RPS6KA5: variants seen among roughly 807,000 people sequenced by gnomAD.
RPS6KA5 encodes the protein ribosomal protein S6 kinase alpha-5.
In RPS6KA5, 27 loss-of-function variants were observed where a neutral mutation model predicts 85.5. That is an observed-to-expected ratio of 0.32 (90% CI 0.23 to 0.44). The LOEUF is 0.44. RPS6KA5 is among the 20% of genes least tolerant of loss of function. The pLI is 1.00. For missense variants in RPS6KA5, 811 were observed against 980.9 expected (o/e 0.83, Z 2.31); for synonymous variants, 334 against 348.2 (o/e 0.96, Z 0.46).
chr14:90,926,010 A>G (rs557935968), intron 5 of RPS6KA5, among the ~76,000 whole-genome samples: 3 of 152,154 alleles, frequency 2.0e-5, no homozygotes, highest in Admixed American at 2.0e-4. Flanking sequence ...CAAATAAAGA[A>G]ACGAGGCAAT....
At chr14:91,021,484 T>TA (rs1232492325) in intron 1 of RPS6KA5, among the ~76,000 whole-genome samples, 2 of 152,080 alleles carry the variant, frequency 1.3e-5, no homozygotes, top group African/African-American at 4.8e-5. Flanking sequence ...TATTTCAATT[T>TA]AAAAAAATAA....
At chr14:91,022,355 T>C (rs1291025650) in intron 1 of RPS6KA5, among the ~76,000 whole-genome samples, 2 of 152,190 alleles carry the variant, frequency 1.3e-5, no homozygotes, top group Admixed American at 6.5e-5. Flanking sequence ...TCCAATGGAA[T>C]GTGAAGTATA....
At chr14:91,014,774 CACT>C (rs1212947376) in intron 1 of RPS6KA5, among the ~76,000 whole-genome samples, 1 of 151,926 alleles carries the variant, frequency 6.6e-6, no homozygotes, top group African/African-American at 2.4e-5. Context: ...TGTATTAATG[CACT>C]ATTGTTAAAT....
At position 90,902,946 on chromosome 14, in the gene RPS6KA5, G is replaced by A. The variant is rs774082309; in HGVS notation, c.981C>T (p.Ala327=). 1.2e-5 allele frequency: 19 copies of A among 1,610,996 alleles called. No homozygotes were observed. Among genetic ancestry groups the A allele is most frequent in the East Asian group, 4.5e-5 (2 of 44,806 alleles). ...FFQKINWDDL[A]AKKVPAPFKP... Reference sequence around the variant, plus strand: ...TAAATGGTGCAGGCACTTTTTTGGCGGCTAAATCATCCCAATTTATTTTCT... The same window carrying A: ...TAAATGGTGCAGGCACTTTTTTGGCAGCTAAATCATCCCAATTTATTTTCT... The change falls in exon 9 of 17, where the codon GCC becomes GCT. Residue 327 remains alanine (A), a synonymous_variant. Coordinates refer to ENST00000614987, the MANE Select transcript of RPS6KA5 (RefSeq NM_004755.4).
At chr14:91,045,667 TA>T (rs1017375742) in intron 1 of RPS6KA5, among the ~76,000 whole-genome samples, 1 of 152,238 alleles carries the variant, frequency 6.6e-6, no homozygotes, top group Non-Finnish European at 1.5e-5. Flanking sequence ...ATTTCCACAG[TA>T]GTTTCCTACC....
Position 90,872,327 on chromosome 14 carries a change from C to T in RPS6KA5, c.2161-5G>A, listed in dbSNP as rs746544678. 30 of 1,589,094 alleles carry T rather than the reference C, an allele frequency of 1.9e-5. No homozygotes were observed. The highest frequency in any genetic ancestry group is 5.6e-5 in the Admixed American group (3 of 53,440). ...TCTCTTGTATTTGTTAAAGGCCTGG[C>T]GGGGGAAAAAAAGGGAACCCCTGTG... On this transcript the variant is annotated splice_region_variant and splice_polypyrimidine_tract_variant and intron_variant, in intron 16 of 16. Coordinates refer to ENST00000614987, the MANE Select transcript of RPS6KA5 (RefSeq NM_004755.4).
intron 1 of RPS6KA5, among the ~76,000 whole-genome samples, chr14:91,029,633 A>G (rs2042109908): frequency 6.6e-6 from 1 of 152,210 alleles, no homozygotes; most frequent in Admixed American, 6.5e-5. Flanking sequence ...CATCTGTAAA[A>G]TAAGACTGCT....
At chr14:91,015,698 T>C (rs1235883053) in intron 1 of RPS6KA5, among the ~76,000 whole-genome samples, 1 of 152,264 alleles carries the variant, frequency 6.6e-6, no homozygotes, top group Non-Finnish European at 1.5e-5. Flanking sequence ...AGTGCCAATT[T>C]GGTTTCTATT....
chr14:90,983,835 CTCTCTTTCTTTTTT>C (rs1347383425), intron 2 of RPS6KA5, among the ~76,000 whole-genome samples: 1 of 139,404 alleles, frequency 7.2e-6, no homozygotes, highest in African/African-American at 3.0e-5. Context: ...CTCTCTCTCT[CTCTCTTTCTTTTTT>C]TCTTTCTTTC....
chr14:90,978,554 T>C (rs745396777), intron 2 of RPS6KA5, 30 bp from the exon 3 acceptor site: 1 of 1,513,394 alleles, frequency 6.6e-7, no homozygotes, highest in African/African-American at 1.4e-5. Flanking sequence ...ATAAAAAGAA[T>C]TAAAATGCTA....
At chr14:90,888,241 CA>C (rs768135221) in intron 14 of RPS6KA5, among the ~76,000 whole-genome samples, 12 of 152,214 alleles carry the variant, frequency 7.9e-5, no homozygotes, top group Non-Finnish European at 1.5e-4. Context: ...TGTCATTACA[CA>C]AAGTTATTTC....
chr14:90,964,263 G>T (rs2038949705), intron 3 of RPS6KA5, among the ~76,000 whole-genome samples: 2 of 152,038 alleles, frequency 1.3e-5, no homozygotes, highest in African/African-American at 4.8e-5. Context: ...ATGTAGCCTT[G>T]GGCGCCTTTT....
intron 1 of RPS6KA5, among the ~76,000 whole-genome samples, chr14:91,035,952 G>C (rs2042390495): frequency 2.2e-5 from 1 of 44,652 alleles, no homozygotes; most frequent in Admixed American, 1.9e-4. Flanking sequence ...AGCACTTAGG[G>C]TATGAAAAAA....
chr14:91,052,465 T>TAA (rs71120103), intron 1 of RPS6KA5: 173 of 132,616 alleles, frequency 1.3e-3, no homozygotes, highest in South Asian at 4.1e-3. Flanking sequence ...ACTCGTCTCT[T>TAA]AAAAAAAAAA....
chr14:91,050,511 TTCCGCC>T (rs1177460620), intron 1 of RPS6KA5, among the ~76,000 whole-genome samples: 1 of 152,178 alleles, frequency 6.6e-6, no homozygotes, highest in African/African-American at 2.4e-5. Flanking sequence ...TCACTGCAAC[TTCCGCC>T]TCCCAGGTTC....
rs982152751 is a variant in RPS6KA5, at chr14:90,850,361, CA to C, written c.*21712del. 25 of 150,536 alleles carry C rather than the reference CA, an allele frequency of 1.7e-4. No homozygotes were observed. The highest frequency in any genetic ancestry group is 1.6e-3 in the Admixed American group (24 of 15,026). The allele number at this position is 150,536 out of a possible 1,614,324, so 9.3% of individuals were successfully genotyped here. A position where few individuals can be genotyped will look rare whatever the true frequency, so the allele number is the denominator to read the frequency against. Reference sequence around the variant, plus strand: ...CATCCTTTCCCTTCTTGCTCCCTCCCATAAATACTAAATGGAAGAAGACACA... The same window carrying C: ...CATCCTTTCCCTTCTTGCTCCCTCCCTAAATACTAAATGGAAGAAGACACA... On this transcript the variant is annotated 3_prime_UTR_variant, in exon 17 of 17. Transcript: ENST00000614987.
chr14:90,876,050 TAA>T (rs60142741), intron 14 of RPS6KA5, among the ~76,000 whole-genome samples: 2 of 146,690 alleles, frequency 1.4e-5, no homozygotes, highest in East Asian at 2.0e-4. Context: ...CTTAAAGTAT[TAA>T]AAAAAAAAAG....
chr14:91,036,952 C>A (rs1172950958), intron 1 of RPS6KA5, among the ~76,000 whole-genome samples: 1 of 152,192 alleles, frequency 6.6e-6, no homozygotes, highest in African/African-American at 2.4e-5. Flanking sequence ...AGACAAGACA[C>A]TGTTGGGATA....
intron 2 of RPS6KA5, among the ~76,000 whole-genome samples, chr14:90,983,231 C>A (rs544581972): frequency 1.3e-5 from 2 of 148,360 alleles, no homozygotes; most frequent in African/African-American, 5.0e-5. Flanking sequence ...TAGCCAAGGT[C>A]GCGCCATTTC....
Sources: gnomAD v4.1 joint callset for allele counts (sites outside exome capture counted in the v4.1 genomes callset) on GRCh38, gnomAD v4.1.1 for gene constraint, MANE v1.5 for transcripts, NCBI Gene and HGNC (gene_info 2026-07-23, HGNC 2026-07-21) for gene names.